The following MDGA2 variants were observed in gnomAD, a reference collection of about 807,000 sequenced individuals.
The protein encoded by MDGA2 is MAM domain containing glycosylphosphatidylinositol anchor 2, also known as MAM domain-containing glycosylphosphatidylinositol anchor protein 2.
A neutral mutation model predicts 117.8 loss-of-function variants in MDGA2; 40 were observed. The ratio of observed to expected loss-of-function variants is 0.34; its 90% CI spans 0.26 to 0.44. The LOEUF (loss-of-function observed/expected upper bound fraction) is 0.44, where lower values mean the gene tolerates loss of function less well. Among genes scored for constraint, MDGA2 ranks in the 20% least tolerant of loss-of-function variants. The pLI, the probability that MDGA2 is intolerant of heterozygous loss-of-function variation, is 1.00. For synonymous variants in MDGA2, 452 were observed against 439.0 expected (o/e 1.03, Z -0.37); for missense variants, 1,123 against 1,250.6 (o/e 0.90, Z 1.54).
intron 5 of MDGA2, among the ~76,000 whole-genome samples, chr14:47,104,759 G>A (rs564026423): frequency 1.3e-5 from 2 of 152,252 alleles, no homozygotes; most frequent in East Asian, 1.9e-4. Context: ...CCGTGAGAAA[G>A]ATCCACCTAC....
At position 47,154,641 on chromosome 14, in the gene MDGA2, GT is replaced by G. The variant is rs1323581533; in HGVS notation, c.596-10368del. Among the ~76,000 whole-genome samples, 4 of 148,222 alleles carry G rather than the reference GT, an allele frequency of 2.7e-5. No homozygotes were observed. In the East Asian group the frequency reaches 5.8e-4, roughly 21 times the overall value. On this transcript the variant is annotated intron_variant, in intron 3 of 16. Transcript: ENST00000399232. ...GCGCTGTCAAGACCAGGCCTGGTGT[GT>G]ATGATGCTAGGGTCGGTACTGACAC...
chr14:46,956,887 T>C (rs1458846200), intron 9 of MDGA2, among the ~76,000 whole-genome samples: 1 of 152,140 alleles, frequency 6.6e-6, no homozygotes, highest in Non-Finnish European at 1.5e-5. Flanking sequence ...CCATGAGATC[T>C]GATAGTTTAA....
At chr14:46,852,436 T>C (rs1223036482) in intron 15 of MDGA2, among the ~76,000 whole-genome samples, 3 of 149,578 alleles carry the variant, frequency 2.0e-5, no homozygotes, top group South Asian at 2.1e-4. Context: ...GAGATGAGAG[T>C]TCAAAAAAAC....
chr14:47,549,529 T>C (rs575497739), intron 1 of MDGA2, among the ~76,000 whole-genome samples: 53 of 152,158 alleles, frequency 3.5e-4, no homozygotes, highest in Non-Finnish European at 3.7e-4. Context: ...ATTTTCAATA[T>C]GCAAAGCATC....
intron 9 of MDGA2, among the ~76,000 whole-genome samples, chr14:46,944,239 A>G (rs1264729873): frequency 6.6e-6 from 1 of 152,004 alleles, no homozygotes; most frequent in African/African-American, 2.4e-5. Flanking sequence ...TTTTCACTAG[A>G]CATAAAATAT....
chr14:46,972,347 G>C (rs915551654), intron 8 of MDGA2, among the ~76,000 whole-genome samples: 1 of 152,104 alleles, frequency 6.6e-6, no homozygotes, highest in African/African-American at 2.4e-5. Flanking sequence ...TTATTCAGTA[G>C]AGAACTATAT....
chr14:47,327,559 C>A (rs541338024), intron 1 of MDGA2, among the ~76,000 whole-genome samples: 118 of 152,202 alleles, frequency 7.8e-4, no homozygotes, highest in African/African-American at 2.5e-3. Flanking sequence ...GAAAGCAAGA[C>A]CAGATTATTG....
At chr14:46,876,442 A>C (rs975120691) in intron 12 of MDGA2, among the ~76,000 whole-genome samples, 4 of 151,596 alleles carry the variant, frequency 2.6e-5, no homozygotes, top group African/African-American at 9.7e-5. Context: ...AAGTCAATGT[A>C]ATATAAAATA....
At chr14:46,931,347 T>C (rs371823389) in intron 9 of MDGA2, among the ~76,000 whole-genome samples, 2 of 152,094 alleles carry the variant, frequency 1.3e-5, no homozygotes, top group Admixed American at 6.5e-5. Context: ...ATTTTGTCAA[T>C]TGAAAGAATA....
intron 1 of MDGA2, among the ~76,000 whole-genome samples, chr14:47,644,152 C>T (rs1042825172): frequency 6.6e-6 from 1 of 152,244 alleles, no homozygotes; most frequent in Admixed American, 6.5e-5. Context: ...TAATGGCCCC[C>T]AAAGATTCCC....
At chr14:47,142,908 T>C (rs1177421773) in intron 4 of MDGA2, among the ~76,000 whole-genome samples, 1 of 152,206 alleles carries the variant, frequency 6.6e-6, no homozygotes, top group East Asian at 1.9e-4. Flanking sequence ...TCTATACCTT[T>C]TAAAAAATAA....
At chr14:46,845,525 C>G (rs976556900) in intron 16 of MDGA2, among the ~76,000 whole-genome samples, 10 of 152,082 alleles carry the variant, frequency 6.6e-5, no homozygotes, top group Non-Finnish European at 1.2e-4. Flanking sequence ...TCAAAGTGTA[C>G]TTGCCTTACG....
chr14:47,448,668 C>T (rs1333435404), intron 1 of MDGA2, among the ~76,000 whole-genome samples: 1 of 152,098 alleles, frequency 6.6e-6, no homozygotes, highest in Admixed American at 6.5e-5. Context: ...CATTTGTATG[C>T]TTTATAAAAC....
chr14:47,198,555 G>C (rs778839329), intron 3 of MDGA2, among the ~76,000 whole-genome samples: 110 of 152,248 alleles, frequency 7.2e-4, no homozygotes, highest in East Asian at 7.7e-4. Flanking sequence ...CTGGGCGACA[G>C]AGCGAGACTC....
chr14:47,240,444 A>T lies in MDGA2; in HGVS notation c.421-22249T>A, dbSNP rs1027241640. On this transcript the variant is annotated intron_variant, in intron 2 of 16. Transcript: ENST00000399232. ...AGTTATGAACATTCAATAAAACAGC[A>T]ATCATAATAATAAAGAGTAACTAGT... Among the ~76,000 whole-genome samples the T allele has an allele frequency of 4.7e-4, 72 of 151,932 alleles. 2 individuals are homozygous for T. Among genetic ancestry groups the T allele is most frequent in the African/African-American group, 1.6e-3 (68 of 41,422 alleles).
chr14:47,593,235 A>T (rs1354452077), intron 1 of MDGA2, among the ~76,000 whole-genome samples: 1 of 152,150 alleles, frequency 6.6e-6, no homozygotes, highest in Admixed American at 6.5e-5. Context: ...GAAACAACAG[A>T]TGCTGGCAAG....
At position 47,174,229 on chromosome 14, in the gene MDGA2, G is replaced by T. The variant is rs562500756; in HGVS notation, c.596-29955C>A. ...CTTTAACACCCCATTGTCAACATTA[G>T]ACAGATCAACGAGACAGAAAGTTAA... On this transcript the variant is annotated intron_variant, in intron 3 of 16. Transcript: ENST00000399232. 8.5e-5 allele frequency among the ~76,000 whole-genome samples: 13 copies of T among 152,168 alleles called. No homozygotes were observed. In the South Asian group the frequency reaches 2.3e-3, roughly 27 times the overall value.
chr14:47,434,042 A>C (rs1384536206), intron 1 of MDGA2, among the ~76,000 whole-genome samples: 1 of 152,142 alleles, frequency 6.6e-6, no homozygotes, highest in East Asian at 1.9e-4. Flanking sequence ...TTAAAAGATA[A>C]AAGCTTTTCA....
At chr14:47,399,718 A>T (rs934048084) in intron 1 of MDGA2, among the ~76,000 whole-genome samples, 5 of 151,800 alleles carry the variant, frequency 3.3e-5, no homozygotes, top group Non-Finnish European at 7.4e-5. Context: ...AGATTTCCTA[A>T]AGAGTTTACA....
Sources: allele counts gnomAD v4.1 joint callset (sites outside exome capture counted in the v4.1 genomes callset), GRCh38; gene constraint gnomAD v4.1.1; transcripts MANE v1.5; gene names NCBI Gene and HGNC (gene_info 2026-07-23, HGNC 2026-07-21).